Variants in STK3 observed in about 807,000 individuals in gnomAD.
The protein encoded by STK3 is serine/threonine kinase 3.
Under a neutral mutation model 58.0 loss-of-function variants are expected in STK3, and 41 were observed. That is an observed-to-expected ratio of 0.71 (90% confidence interval 0.55 to 0.92). STK3 has a LOEUF of 0.92. STK3 is among the 40% of genes least tolerant of loss of function. The probability of loss-of-function intolerance (pLI) is 0.00; values close to 1 mark genes in which losing one functional copy is unlikely to be tolerated. For missense variants in STK3, 479 were observed against 602.7 expected (o/e 0.79, Z 2.15); for synonymous variants, 170 against 191.0 (o/e 0.89, Z 0.91).
chr8:98,904,577 A>T, intron 1 of STK3: 1 of 557,264 alleles, frequency 1.8e-6, no homozygotes. Context: ...TTCAGTCAGC[A>T]ATTATTCTAC....
chr8:98,516,435 T>G (rs1363244871), intron 10 of STK3, among the ~76,000 whole-genome samples: 1 of 152,082 alleles, frequency 6.6e-6, no homozygotes, highest in Non-Finnish European at 1.5e-5. Context: ...CTTAATAATC[T>G]TCTTCAGTTA....
intron 4 of STK3, among the ~76,000 whole-genome samples, chr8:98,740,137 C>T (rs927776798): frequency 9.9e-5 from 15 of 152,232 alleles, no homozygotes; most frequent in Admixed American, 3.3e-4. Flanking sequence ...CTGAAAGTGA[C>T]GGGGAGAATG....
At chr8:98,583,845 ATG>A (rs529496460) in intron 7 of STK3, among the ~76,000 whole-genome samples, 2,181 of 144,076 alleles carry the variant, frequency 0.015, 20 homozygotes, top group South Asian at 0.031. Context: ...GAGAGAGTGT[ATG>A]TGTGTGTGTG....
chr8:98,392,465 C>T (rs755483275), upstream of STK3, among the ~76,000 whole-genome samples: 88 of 152,274 alleles, frequency 5.8e-4, no homozygotes, highest in African/African-American at 1.8e-3. Flanking sequence ...CCACCGAAAC[C>T]GAGATGAATT....
intron 10 of STK3, among the ~76,000 whole-genome samples, chr8:98,468,978 G>A (rs143159400): frequency 0.013 from 1,964 of 152,034 alleles, 22 homozygotes; most frequent in Non-Finnish European, 0.02. Context: ...GCGAGGTGGC[G>A]GGTGCCTGTA....
intron 10 of STK3, among the ~76,000 whole-genome samples, chr8:98,485,071 C>T (rs1399942895): frequency 6.6e-6 from 1 of 152,086 alleles, no homozygotes; most frequent in Non-Finnish European, 1.5e-5. Context: ...GAAACCCCAT[C>T]TCTACTAAAA....
chr8:98,827,747 C>T (rs1056454237), upstream of STK3, among the ~76,000 whole-genome samples: 2 of 152,024 alleles, frequency 1.3e-5, no homozygotes, highest in Non-Finnish European at 1.5e-5. Context: ...CTCAACCTCC[C>T]GGGCTCAAGC....
Position 98,825,504 on chromosome 8 carries a change from C to G in STK3, c.26+11G>C. On this transcript the variant is annotated intron_variant, in intron 1 of 10. Transcript: ENST00000419617. ...CGCTTCCCTCCTTCTTCCCGCTCCC[C>G]GATTCGTTACCTCTTAGGCGCCGGC... is the stretch of plus-strand genomic sequence containing the variant. 2 of 1,457,310 alleles carry G rather than the reference C, an allele frequency of 1.4e-6. No homozygotes were observed. Among genetic ancestry groups the G allele is most frequent in the Non-Finnish European group, 1.8e-6 (2 of 1,098,746 alleles). The allele number at this position is 1,457,310 out of a possible 1,614,324, so 90.3% of individuals were successfully genotyped here.
downstream of STK3, among the ~76,000 whole-genome samples, chr8:98,368,525 C>T (rs1186982064): frequency 6.6e-6 from 1 of 152,170 alleles, no homozygotes; most frequent in Non-Finnish European, 1.5e-5. Context: ...CCACACAAAC[C>T]CCTAACACAT....
At chr8:98,535,716 CACCTATTCTAATATGACCTACATAT>C (rs1809699489) in intron 9 of STK3, among the ~76,000 whole-genome samples, 1 of 152,118 alleles carries the variant, frequency 6.6e-6, no homozygotes, top group African/African-American at 2.4e-5. Context: ...ATTTATAGAG[CACCTATTCTAATATGACCTACATAT>C]TAAGAGTAGC....
At chr8:98,379,552 C>A (rs77777661) in intron 1 of STK3, among the ~76,000 whole-genome samples, 1 of 152,294 alleles carries the variant, frequency 6.6e-6, no homozygotes, top group East Asian at 1.9e-4. Context: ...AGCTTGGAAT[C>A]CTCCCCAACC....
chr8:98,815,650 C>T (rs575148551), intron 1 of STK3, among the ~76,000 whole-genome samples: 4 of 152,110 alleles, frequency 2.6e-5, no homozygotes, highest in Admixed American at 6.5e-5. Context: ...ATGTTTAAAT[C>T]CATCTTCTCA....
intron 1 of STK3, among the ~76,000 whole-genome samples, chr8:98,786,788 GACA>G (rs1397699699): frequency 6.6e-6 from 1 of 152,080 alleles, no homozygotes; most frequent in Non-Finnish European, 1.5e-5. Context: ...AACAAATCCA[GACA>G]ACAACTGTGA....
At chr8:98,584,151 G>C (rs544327958) in intron 7 of STK3, among the ~76,000 whole-genome samples, 4 of 151,422 alleles carry the variant, frequency 2.6e-5, no homozygotes, top group Non-Finnish European at 5.9e-5. Flanking sequence ...ACATTGTGCA[G>C]GTTAGTTACA....
chr8:98,941,160 A>G (rs754635048), intron 1 of STK3, among the ~76,000 whole-genome samples: 3 of 152,208 alleles, frequency 2.0e-5, no homozygotes, highest in Non-Finnish European at 2.9e-5. Flanking sequence ...TGCGGACTGC[A>G]GCCCGCGGCT....
chr8:98,698,356 C>T (rs958870747), intron 6 of STK3, among the ~76,000 whole-genome samples: 6 of 151,786 alleles, frequency 4.0e-5, no homozygotes, highest in African/African-American at 1.5e-4. Context: ...GCATTTAGTC[C>T]ATTTACATTT....
intron 6 of STK3, chr8:98,597,410 T>G (rs1279737684): frequency 1.0e-6 from 1 of 985,020 alleles, no homozygotes; most frequent in Non-Finnish European, 1.2e-6. Context: ...ATACCTCACG[T>G]CATGTTATAC....
At chr8:98,557,690 A>T (rs551768266) in intron 8 of STK3, among the ~76,000 whole-genome samples, 1 of 152,218 alleles carries the variant, frequency 6.6e-6, no homozygotes, top group South Asian at 2.1e-4. Context: ...AAAAGAATTA[A>T]TTGTCTTCTC....
At chr8:98,488,683 G>C (rs1341438210) in intron 10 of STK3, among the ~76,000 whole-genome samples, 1 of 152,126 alleles carries the variant, frequency 6.6e-6, no homozygotes, top group Non-Finnish European at 1.5e-5. Flanking sequence ...TAGATACGTA[G>C]CTGCAGGGTA....
Sources: gnomAD v4.1 joint callset for allele counts (sites outside exome capture counted in the v4.1 genomes callset) on GRCh38, gnomAD v4.1.1 for gene constraint, MANE v1.5 for transcripts, NCBI Gene and HGNC (gene_info 2026-07-23, HGNC 2026-07-21) for gene names.